SCHIP1: variants seen among roughly 807,000 people sequenced by gnomAD.
SCHIP1 encodes schwannomin interacting protein 1, also known as schwannomin-interacting protein 1.
In SCHIP1, 8 loss-of-function variants were observed where a neutral mutation model predicts 29.7. The observed-to-expected ratio is 0.27, with a 90% CI of 0.16 to 0.49. SCHIP1 has a LOEUF of 0.49. Ranked by LOEUF, SCHIP1 falls within the 20% of genes least tolerant of loss-of-function variation. The pLI is 0.99. For synonymous variants in SCHIP1, 76 were observed against 94.9 expected (o/e 0.80, Z 1.16); for missense variants, 193 against 294.6 (o/e 0.66, Z 2.52).
chr3:159,610,197 C>G, the SCHIP1 span, among the ~76,000 whole-genome samples: 1 of 152,164 alleles, frequency 6.6e-6, no homozygotes, highest in Non-Finnish European at 1.5e-5. Flanking sequence ...CTAGTGTTCT[C>G]TCCTCTGCAC....
intron 2 of SCHIP1, among the ~76,000 whole-genome samples, chr3:159,869,592 A>G (rs1715018560): frequency 6.6e-6 from 1 of 151,978 alleles, no homozygotes; most frequent in Non-Finnish European, 1.5e-5. Context: ...GCAAAACTAT[A>G]GTGTTAATTA....
intron 1 of SCHIP1, among the ~76,000 whole-genome samples, chr3:159,843,065 GCA>G: frequency 7.9e-6 from 1 of 125,882 alleles, no homozygotes; most frequent in African/African-American, 2.9e-5. Flanking sequence ...AGGCTGGAGT[GCA>G]GTGGCGCAAT....
chr3:159,366,224 A>T, the SCHIP1 span, among the ~76,000 whole-genome samples: 1 of 152,040 alleles, frequency 6.6e-6, no homozygotes, highest in Admixed American at 6.6e-5. Flanking sequence ...AAATGACCAG[A>T]TCTGGTATGA....
chr3:159,789,906 C>T, the SCHIP1 span, among the ~76,000 whole-genome samples: 5 of 152,156 alleles, frequency 3.3e-5, no homozygotes, highest in Non-Finnish European at 7.4e-5. Flanking sequence ...CTGGGAGGGG[C>T]AGTCCATCCT....
the SCHIP1 span, among the ~76,000 whole-genome samples, chr3:159,821,695 A>G: frequency 6.6e-6 from 1 of 152,254 alleles, no homozygotes; most frequent in African/African-American, 2.4e-5. Flanking sequence ...ATTGTAGGTC[A>G]TAGCAACCTC....
At chr3:159,568,229 A>G in the SCHIP1 span, among the ~76,000 whole-genome samples, 1 of 152,110 alleles carries the variant, frequency 6.6e-6, no homozygotes, top group Admixed American at 6.6e-5. Flanking sequence ...GCTGTAAAAC[A>G]TATCATCTGA....
chr3:159,334,764 C>A, the SCHIP1 span, among the ~76,000 whole-genome samples: 1 of 152,122 alleles, frequency 6.6e-6, no homozygotes, highest in Non-Finnish European at 1.5e-5. Context: ...TTGTACCATA[C>A]AATTTCAATA....
chr3:159,581,429 T>C, the SCHIP1 span, among the ~76,000 whole-genome samples: 1 of 152,192 alleles, frequency 6.6e-6, no homozygotes, highest in African/African-American at 2.4e-5. Context: ...AGAAAACTTT[T>C]AGACAATAAC....
chr3:159,814,960 G>C, the SCHIP1 span, among the ~76,000 whole-genome samples: 2 of 152,108 alleles, frequency 1.3e-5, no homozygotes, highest in African/African-American at 4.8e-5. Flanking sequence ...AAGTTTAATT[G>C]ATTTCTGAGG....
the SCHIP1 span, among the ~76,000 whole-genome samples, chr3:159,543,487 G>A: frequency 4.7e-5 from 7 of 149,828 alleles, no homozygotes; most frequent in Non-Finnish European, 7.4e-5. Flanking sequence ...TTGTCCTTAC[G>A]ATAGTTTACT....
At chr3:159,526,329 C>T in the SCHIP1 span, among the ~76,000 whole-genome samples, 3 of 151,986 alleles carry the variant, frequency 2.0e-5, no homozygotes, top group South Asian at 4.2e-4. Flanking sequence ...CCACTGTGCC[C>T]GGCTAATTTT....
chr3:159,296,466 A>G, the SCHIP1 span, among the ~76,000 whole-genome samples: 1 of 152,162 alleles, frequency 6.6e-6, no homozygotes, highest in Admixed American at 6.6e-5. Context: ...TATGTGTGGT[A>G]AGGACACTTA....
chr3:159,579,522 A>G, the SCHIP1 span, among the ~76,000 whole-genome samples: 2 of 152,174 alleles, frequency 1.3e-5, no homozygotes, highest in African/African-American at 4.8e-5. Flanking sequence ...GCTGCTCACA[A>G]CCTAGCAGCG....
the SCHIP1 span, among the ~76,000 whole-genome samples, chr3:159,621,704 C>T: frequency 2.6e-5 from 4 of 151,448 alleles, no homozygotes; most frequent in Admixed American, 6.6e-5. Context: ...TCAGTCTTGT[C>T]ACCCAGGTTG....
the SCHIP1 span, among the ~76,000 whole-genome samples, chr3:159,305,220 A>G: frequency 5.3e-5 from 8 of 152,104 alleles, no homozygotes; most frequent in Non-Finnish European, 1.2e-4. Flanking sequence ...AGCAGGGGAT[A>G]CCTCACAAAT....
chr3:159,406,065 G>A, the SCHIP1 span, among the ~76,000 whole-genome samples: 9 of 151,518 alleles, frequency 5.9e-5, no homozygotes, highest in Admixed American at 5.3e-4. Context: ...TTATTCAAAG[G>A]GATAACAAAC....
At chr3:159,605,833 G>C in the SCHIP1 span, among the ~76,000 whole-genome samples, 1 of 151,990 alleles carries the variant, frequency 6.6e-6, no homozygotes, top group Admixed American at 6.6e-5. Flanking sequence ...ATCTCAGCGG[G>C]GACAACCTAG....
the SCHIP1 span, among the ~76,000 whole-genome samples, chr3:159,296,889 T>C: frequency 1.3e-5 from 2 of 152,208 alleles, no homozygotes; most frequent in African/African-American, 2.4e-5. Flanking sequence ...TCTTATAAAC[T>C]AAATATTTAT....
intron 1 of SCHIP1, among the ~76,000 whole-genome samples, chr3:159,850,079 C>G (rs1201786897): frequency 1.3e-5 from 2 of 152,204 alleles, no homozygotes; most frequent in Admixed American, 1.3e-4. Flanking sequence ...GAAAATTCAT[C>G]ATATAGCGTA....
Sources: gnomAD v4.1 joint callset for allele counts (sites outside exome capture counted in the v4.1 genomes callset) on GRCh38, gnomAD v4.1.1 for gene constraint, MANE v1.5 for transcripts, NCBI Gene and HGNC (gene_info 2026-07-23, HGNC 2026-07-21) for gene names.